Variants in ARHGAP35 observed in about 807,000 individuals in gnomAD.
ARHGAP35 encodes Rho GTPase activating protein 35, also known as rho GTPase-activating protein 35.
A neutral mutation model predicts 111.1 loss-of-function variants in ARHGAP35; 15 were observed. The ratio of observed to expected loss-of-function variants is 0.13; its 90% confidence interval spans 0.09 to 0.21. The LOEUF (loss-of-function observed/expected upper bound fraction) is 0.21. Among genes scored for constraint, ARHGAP35 ranks in the 10% least tolerant of loss-of-function variants. The probability of loss-of-function intolerance (pLI) is 1.00; values close to 1 mark genes in which losing one functional copy is unlikely to be tolerated. For missense variants in ARHGAP35, 1,262 were observed against 1,873.0 expected, an observed-to-expected ratio of 0.67 and a Z score of 6.02; for synonymous variants, 643 against 710.3, an observed-to-expected ratio of 0.91 and a Z score of 1.51.
rs547576515 is a variant in ARHGAP35, at chr19:46,891,818, A to ATCT, written c.-188-26670_-188-26669insTCT. 3.9e-3 allele frequency among the ~76,000 whole-genome samples: 587 copies of ATCT among 152,256 alleles called. 2 individuals are homozygous for ATCT. The highest frequency in any genetic ancestry group is 0.01 in the Middle Eastern group (3 of 294). The stretch of plus-strand genomic sequence containing the variant: ...GTGTTCAAGTTTTTATCAGATTGTC[A>ATCT]AAGGGATTCTTAACTGCCAAAAGAT... On this transcript the variant is annotated intron_variant, in intron 1 of 6. Transcript: ENST00000672722.
chr19:46,921,922 G>T lies in ARHGAP35; in HGVS notation c.3247G>T (p.Asp1083Tyr). The T allele has an allele frequency of 1.2e-6, 2 of 1,614,012 alleles. No individual in the cohort carries two copies. The highest frequency in any genetic ancestry group is 1.7e-6 in the Non-Finnish European group (2 of 1,179,892). Residue 1083 changes from aspartate to tyrosine, a missense_variant, in exon 2 of 7, where the codon GAT becomes TAT. Physicochemically the swap from Asp to Tyr is radical, Grantham distance 160. Around this residue, in one of 8 missense-constraint regions of ARHGAP35, gnomAD observed 579 missense variants for 716.9 expected, o/e 0.81. Coordinates refer to ENST00000672722, the MANE Select transcript of ARHGAP35 (RefSeq NM_004491.5). The surrounding 1 kb of genome is among the most constrained non-coding windows in gnomAD (Gnocchi z 4.3). Reference sequence around the variant, plus strand: ...CCCCTGGCTGCCTCAGGATGGGTTTGATCCTTCTGACTATGCTGAACCCAT... The same window carrying T: ...CCCCTGGCTGCCTCAGGATGGGTTTTATCCTTCTGACTATGCTGAACCCAT... ...SSPWLPQDGF[D>Y]PSDYAEPMDA...
intron 1 of ARHGAP35, among the ~76,000 whole-genome samples, chr19:46,889,974 G>A (rs1458133114): frequency 1.3e-5 from 2 of 152,164 alleles, no homozygotes; most frequent in African/African-American, 4.8e-5. Context: ...TGGGTCAGGG[G>A]TGTCTATGAT....
chr19:46,887,315 G>A (rs1033544988), intron 1 of ARHGAP35, among the ~76,000 whole-genome samples: 2 of 152,128 alleles, frequency 1.3e-5, no homozygotes, highest in African/African-American at 2.4e-5. Flanking sequence ...TGGGATCTTG[G>A]ATTGGATCCT....
intron 1 of ARHGAP35, among the ~76,000 whole-genome samples, chr19:46,871,121 G>A (rs965641916): frequency 6.6e-5 from 10 of 152,158 alleles, no homozygotes; most frequent in Admixed American, 4.6e-4. Context: ...ATGGGATAAC[G>A]GTGATTTCAT....
At chr19:46,875,990 T>C (rs1222643651) in intron 1 of ARHGAP35, among the ~76,000 whole-genome samples, 1 of 152,136 alleles carries the variant, frequency 6.6e-6, no homozygotes, top group East Asian at 1.9e-4. Context: ...CTTTTTCTCA[T>C]CATGACACAT....
At chr19:46,984,452 T>C (rs1285498970) in intron 3 of ARHGAP35, among the ~76,000 whole-genome samples, 1 of 152,222 alleles carries the variant, frequency 6.6e-6, no homozygotes, top group Non-Finnish European at 1.5e-5. Flanking sequence ...GCCCGTGCTC[T>C]TTCCAGCGTC....
chr19:46,990,359 C>T (rs1195947236), intron 5 of ARHGAP35, among the ~76,000 whole-genome samples: 1 of 152,252 alleles, frequency 6.6e-6, no homozygotes, highest in African/African-American at 2.4e-5. Context: ...CGAGCCTTCT[C>T]ACTGGCCAGC....
In ARHGAP35 at chr19:47,000,985, C is replaced by T; in HGVS notation, c.*297C>T. ...TGGACCACCACCCCACGTAGCTGCT[C>T]ACACCAGCCTCCGGGTGCCTCCCTC... On this transcript the variant is annotated 3_prime_UTR_variant, in exon 7 of 7. Coordinates refer to ENST00000672722, the MANE Select transcript of ARHGAP35 (RefSeq NM_004491.5). This position sits in a 1 kb window ranked among gnomAD's most constrained non-coding sequence, Gnocchi z 6.9. 2 of 1,496,774 alleles carry T rather than the reference C, an allele frequency of 1.3e-6. No homozygotes were observed. Among genetic ancestry groups the T allele is most frequent in the Non-Finnish European group, 1.8e-6 (2 of 1,121,484 alleles). The allele number at this position is 1,496,774 out of a possible 1,614,324, so 92.7% of individuals were successfully genotyped here.
chr19:46,929,699 A>T (rs942618173), intron 2 of ARHGAP35, among the ~76,000 whole-genome samples: 13 of 140,368 alleles, frequency 9.3e-5, no homozygotes, highest in African/African-American at 3.5e-4. Context: ...AGATCACTTG[A>T]GGTCGGGAGT....
At chr19:46,923,070 G>A (rs1292247244) in intron 2 of ARHGAP35, among the ~76,000 whole-genome samples, 3 of 149,494 alleles carry the variant, frequency 2.0e-5, no homozygotes, top group Non-Finnish European at 4.4e-5. Flanking sequence ...GGGCCTACTC[G>A]TCATATGTAG....
At chr19:46,874,944 T>C (rs1481121897) in intron 1 of ARHGAP35, among the ~76,000 whole-genome samples, 2 of 151,262 alleles carry the variant, frequency 1.3e-5, no homozygotes, top group African/African-American at 4.9e-5. Context: ...CCTGAGTAGC[T>C]GGGATTACAG....
rs2056175325 is a variant in ARHGAP35 at position 46,918,340 on chromosome 19, G to A, written c.-188-148G>A. 6.6e-6 allele frequency among the ~76,000 whole-genome samples: 1 copy of A among 152,130 alleles called. No homozygotes were observed. Among genetic ancestry groups the A allele is most frequent in the South Asian group, 2.1e-4 (1 of 4,832 alleles). On this transcript the variant is annotated intron_variant, in intron 1 of 6. Transcript: ENST00000672722. This position sits in a 1 kb window ranked among gnomAD's most constrained non-coding sequence, Gnocchi z 5.4. Reference sequence around the variant, plus strand: ...ATAGATGTGAGTCTTACTTGCTCTTGTATCTTCACCCAGCACAAGGCCTGA... The same window carrying A: ...ATAGATGTGAGTCTTACTTGCTCTTATATCTTCACCCAGCACAAGGCCTGA...
intron 1 of ARHGAP35, among the ~76,000 whole-genome samples, chr19:46,909,201 G>T (rs2056125786): frequency 6.6e-6 from 1 of 152,166 alleles, no homozygotes; most frequent in Non-Finnish European, 1.5e-5. Flanking sequence ...TACTCAGGAG[G>T]TTGAGGTGGC....
At chr19:46,882,521 A>C (rs1315399096) in intron 1 of ARHGAP35, among the ~76,000 whole-genome samples, 6 of 152,160 alleles carry the variant, frequency 3.9e-5, no homozygotes, top group African/African-American at 1.4e-4. Context: ...TCTGGGATAC[A>C]TGTGCAGAAC....
chr19:46,976,210 CTTTT>C (rs772367746), intron 3 of ARHGAP35, among the ~76,000 whole-genome samples: 5 of 118,688 alleles, frequency 4.2e-5, no homozygotes, highest in East Asian at 2.4e-4. Context: ...AAGCTTTCTC[CTTTT>C]TTTTTTTTTT....
rs1352971960 is a variant in ARHGAP35 at position 46,989,501 on chromosome 19, T to G, written c.3905-43T>G. On this transcript the variant is annotated intron_variant, in intron 4 of 6. Transcript: ENST00000672722. The surrounding 1 kb of genome is among the most constrained non-coding windows in gnomAD (Gnocchi z 5.3). ...CCCGAGTTGTCCTGATGCTTCTGCC[T>G]GGCTTAGAATGGTTTGGCCTCACTC... 6.2e-7 allele frequency: 1 copy of G among 1,611,036 alleles called. No individual in the cohort carries two copies. Among genetic ancestry groups the G allele is most frequent in the South Asian group, 1.1e-5 (1 of 90,802 alleles).
At chr19:46,974,087 C>T (rs775083341) in intron 3 of ARHGAP35, among the ~76,000 whole-genome samples, 65 of 152,266 alleles carry the variant, frequency 4.3e-4, no homozygotes, top group Non-Finnish European at 8.1e-4. Context: ...CCTCAACCTC[C>T]AGGCTCAAGC....
chr19:46,911,856 A>C (rs2056139164), intron 1 of ARHGAP35, among the ~76,000 whole-genome samples: 1 of 152,184 alleles, frequency 6.6e-6, no homozygotes, highest in Non-Finnish European at 1.5e-5. Context: ...GAATTGGATG[A>C]ATAAGGACCT....
intron 2 of ARHGAP35, 71 bp from the exon 3 acceptor site, chr19:46,937,193 C>A (rs1029293898): frequency 3.2e-6 from 5 of 1,563,268 alleles, no homozygotes; most frequent in African/African-American, 2.7e-5. Context: ...CTTCTGGAAG[C>A]CTTACTGATG....
Sources: gnomAD v4.1 joint callset for allele counts (sites outside exome capture counted in the v4.1 genomes callset) on GRCh38, gnomAD v4.1.1 for gene constraint, gnomAD v4.1.1 regional missense constraint, Gnocchi (gnomAD v3.1) non-coding constraint, MANE v1.5 for transcripts, NCBI Gene and HGNC (gene_info 2026-07-23, HGNC 2026-07-21) for gene names.